The following RNF180 variants were observed in gnomAD, a reference collection of about 807,000 sequenced individuals.
RNF180 encodes the protein ring finger protein 180, also known as E3 ubiquitin-protein ligase RNF180.
Under a neutral mutation model 59.2 loss-of-function variants are expected in RNF180, and 38 were observed. That is an observed-to-expected ratio of 0.64 (90% CI 0.50 to 0.84). The LOEUF is 0.84. Among genes scored for constraint, RNF180 ranks in the 40% least tolerant of loss-of-function variants. The pLI is 0.00. For synonymous variants in RNF180, 262 were observed against 240.3 expected, an observed-to-expected ratio of 1.09 and a Z score of -0.84; for missense variants, 705 against 700.9, an observed-to-expected ratio of 1.01 and a Z score of -0.07.
intron 5 of RNF180, among the ~76,000 whole-genome samples, chr5:64,300,749 A>G (rs1422637245): frequency 1.3e-5 from 2 of 151,782 alleles, no homozygotes; most frequent in African/African-American, 4.8e-5. Context: ...TTGCACAGCT[A>G]AGGGAGAGAT....
In RNF180 at chr5:64,234,578, CTTTTTTTTTTTTTTTTTTTTTT is replaced by C. The variant is rs1171637074; in HGVS notation, c.1227+17200_1227+17221del. Reference sequence around the variant, plus strand: ...GCTTTCCAAATGGCAGTTACCCGTTCTTTTTTTTTTTTTTTTTTTTTTTTTTTTTTTTTTTTTTTGAGAAGGA... The same window carrying C: ...GCTTTCCAAATGGCAGTTACCCGTTCTTTTTTTTTTTTTTTTTGAGAAGGA... On this transcript the variant is annotated intron_variant, in intron 5 of 7. Coordinates refer to ENST00000389100, the MANE Select transcript of RNF180 (RefSeq NM_001113561.2). 1.6e-4 allele frequency among the ~76,000 whole-genome samples: 8 copies of C among 48,524 alleles called. No homozygotes were observed. The East Asian group carries it at 2.3e-3, about 14-fold the overall frequency. 31.8% of individuals were successfully genotyped at this position (48,524 alleles called of 152,430 possible).
At chr5:64,291,198 C>G (rs900250261) in intron 5 of RNF180, among the ~76,000 whole-genome samples, 4 of 152,082 alleles carry the variant, frequency 2.6e-5, no homozygotes, top group Admixed American at 2.6e-4. Context: ...ACTGAAGGGT[C>G]TGCTGTTACT....
At chr5:64,183,581 G>T (rs923732834) in intron 1 of RNF180, among the ~76,000 whole-genome samples, 12 of 150,714 alleles carry the variant, frequency 8.0e-5, no homozygotes, top group Admixed American at 2.7e-4. Context: ...TTGAGTAGCT[G>T]GGATTACAGG....
At chr5:64,176,200 C>G (rs368352419) in intron 1 of RNF180, among the ~76,000 whole-genome samples, 2 of 152,156 alleles carry the variant, frequency 1.3e-5, no homozygotes, top group Admixed American at 6.5e-5. Flanking sequence ...ATAGTTCAAT[C>G]TTGGTAGGTC....
At chr5:64,252,422 G>A (rs1348582224) in intron 5 of RNF180, among the ~76,000 whole-genome samples, 2 of 152,170 alleles carry the variant, frequency 1.3e-5, no homozygotes, top group Middle Eastern at 3.2e-3. Flanking sequence ...TGTCAGGAGA[G>A]TGGACGTAAA....
chr5:64,175,214 G>A (rs529228895), intron 1 of RNF180, among the ~76,000 whole-genome samples: 27 of 152,142 alleles, frequency 1.8e-4, no homozygotes, highest in Non-Finnish European at 2.8e-4. Context: ...TGATATGCCC[G>A]CCTCGGACTC....
chr5:64,335,054 T>C (rs926232672), intron 7 of RNF180, among the ~76,000 whole-genome samples: 1 of 152,222 alleles, frequency 6.6e-6, no homozygotes, highest in Non-Finnish European at 1.5e-5. Flanking sequence ...TTTACTGATT[T>C]GATAGGTAGA....
At chr5:64,305,455 T>C (rs974403111) in intron 5 of RNF180, among the ~76,000 whole-genome samples, 1 of 151,590 alleles carries the variant, frequency 6.6e-6, no homozygotes, top group Non-Finnish European at 1.5e-5. Context: ...ATGCAGCCAG[T>C]AGCAACCAAG....
intron 7 of RNF180, among the ~76,000 whole-genome samples, chr5:64,355,817 T>C (rs1200425649): frequency 6.6e-6 from 1 of 151,908 alleles, no homozygotes; most frequent in Non-Finnish European, 1.5e-5. Context: ...CTTTGATAAA[T>C]AGTGCTAGGA....
chr5:64,169,103 A>G (rs1337406096), intron 1 of RNF180, among the ~76,000 whole-genome samples: 4 of 152,194 alleles, frequency 2.6e-5, no homozygotes, highest in African/African-American at 7.2e-5. Context: ...TCCTGTTTTC[A>G]GGAAAAACTA....
intron 5 of RNF180, among the ~76,000 whole-genome samples, chr5:64,320,858 G>A (rs1489515265): frequency 6.6e-6 from 1 of 152,146 alleles, no homozygotes; most frequent in Non-Finnish European, 1.5e-5. Context: ...CTAATACGGT[G>A]AAACCCTGTC....
intron 7 of RNF180, among the ~76,000 whole-genome samples, chr5:64,356,270 AT>A (rs1746022799): frequency 6.6e-6 from 1 of 151,876 alleles, no homozygotes; most frequent in Non-Finnish European, 1.5e-5. Flanking sequence ...AAAAAAAAAA[AT>A]AAATGTGGTG....
chr5:64,316,872 G>A (rs1744064617), intron 5 of RNF180, among the ~76,000 whole-genome samples: 1 of 152,126 alleles, frequency 6.6e-6, no homozygotes, highest in Non-Finnish European at 1.5e-5. Context: ...CAATGTCCAA[G>A]GGGGATGCGT....
intron 5 of RNF180, among the ~76,000 whole-genome samples, chr5:64,221,733 T>G (rs1741350225): frequency 1.3e-5 from 2 of 152,220 alleles, no homozygotes; most frequent in South Asian, 4.1e-4. Flanking sequence ...TTTCTAATGC[T>G]TAGCACAGTA....
chr5:64,337,775 C>G (rs192312366), intron 7 of RNF180, among the ~76,000 whole-genome samples: 1 of 150,740 alleles, frequency 6.6e-6, no homozygotes, highest in Non-Finnish European at 1.5e-5. Context: ...TTTGTCCTTG[C>G]GATAGTTTAC....
intron 5 of RNF180, among the ~76,000 whole-genome samples, chr5:64,222,173 T>G (rs1322381855): frequency 6.6e-6 from 1 of 152,204 alleles, no homozygotes; most frequent in Non-Finnish European, 1.5e-5. Flanking sequence ...TGTCTGATGT[T>G]TTCCCCATGA....
intron 1 of RNF180, among the ~76,000 whole-genome samples, chr5:64,186,724 A>T (rs1035157085): frequency 6.6e-6 from 1 of 152,142 alleles, no homozygotes; most frequent in Non-Finnish European, 1.5e-5. Flanking sequence ...ATTTAGATGT[A>T]TCATGTCCTG....
At chr5:64,324,847 G>T (rs1431213219) in intron 5 of RNF180, among the ~76,000 whole-genome samples, 1 of 152,140 alleles carries the variant, frequency 6.6e-6, no homozygotes, top group African/African-American at 2.4e-5. Context: ...ATTTGCTGTG[G>T]TAGGAATGGG....
intron 5 of RNF180, among the ~76,000 whole-genome samples, chr5:64,315,499 C>G (rs559303945): frequency 4.6e-4 from 70 of 152,246 alleles, no homozygotes; most frequent in African/African-American, 1.6e-3. Flanking sequence ...AATCTCAGCA[C>G]TTTGAGAGTC....
Sources: allele counts gnomAD v4.1 joint callset (sites outside exome capture counted in the v4.1 genomes callset), GRCh38; gene constraint gnomAD v4.1.1; transcripts MANE v1.5; gene names NCBI Gene and HGNC (gene_info 2026-07-23, HGNC 2026-07-21).